TLK1: variants seen among roughly 807,000 people sequenced by gnomAD.
TLK1 encodes the protein serine/threonine-protein kinase tousled-like 1.
Under a neutral mutation model 105.3 loss-of-function variants are expected in TLK1, and 24 were observed. That is an observed-to-expected ratio of 0.23 (90% CI 0.17 to 0.32). The LOEUF is 0.32. TLK1 is among the 10% of genes least tolerant of loss of function. The pLI, the probability that TLK1 is intolerant of heterozygous loss-of-function variation, is 1.00. For missense variants in TLK1, 558 were observed against 910.5 expected (o/e 0.61, Z 4.98); for synonymous variants, 321 against 310.4 (o/e 1.03, Z -0.36).
intron 3 of TLK1, among the ~76,000 whole-genome samples, chr2:171,063,888 C>A (rs927697760): frequency 2.6e-5 from 4 of 152,172 alleles, no homozygotes; most frequent in Admixed American, 2.0e-4. Flanking sequence ...TTATTTGAGA[C>A]AACATTCGTT....
intron 3 of TLK1, among the ~76,000 whole-genome samples, chr2:171,081,351 A>G (rs1453133649): frequency 1.3e-5 from 2 of 152,200 alleles, no homozygotes; most frequent in African/African-American, 4.8e-5. Context: ...CAAAAATATC[A>G]TATTTAGTGA....
In TLK1 at chr2:170,997,808, C is replaced by T. The variant is rs765960787; in HGVS notation, c.1920G>A (p.Glu640=). 6 of 1,608,266 alleles carry T rather than the reference C, an allele frequency of 3.7e-6. No individual in the cohort carries two copies. Among genetic ancestry groups the T allele is most frequent in the Non-Finnish European group, 5.1e-6 (6 of 1,176,556 alleles). The part of the protein sequence containing the change: ...GAGTYWYLPP[E]CFVVGKEPPK... The stretch of plus-strand genomic sequence containing the variant: ...GTGGCTCTTTTCCAACTACAAAACA[C>T]TCAGGAGGTAAATACCTGTAAGTTT... Residue 640 remains glutamate, a synonymous_variant, in exon 19 of 21, where the codon GAG becomes GAA. Coordinates refer to ENST00000431350, the MANE Select transcript of TLK1 (RefSeq NM_012290.5).
At chr2:171,072,300 G>A (rs965175410) in intron 3 of TLK1, among the ~76,000 whole-genome samples, 56 of 152,236 alleles carry the variant, frequency 3.7e-4, no homozygotes, top group African/African-American at 1.3e-3. Context: ...TTTTATTGTA[G>A]AGATATTTTA....
intron 12 of TLK1, among the ~76,000 whole-genome samples, chr2:171,023,600 T>C (rs186818343): frequency 6.6e-6 from 1 of 152,198 alleles, no homozygotes; most frequent in Non-Finnish European, 1.5e-5. Flanking sequence ...ACCCACATGC[T>C]GTTCATATCA....
At chr2:171,163,729 T>A (rs1692556838), upstream of TLK1, among the ~76,000 whole-genome samples, 2 of 152,054 alleles carry the variant, frequency 1.3e-5, no homozygotes, top group Admixed American at 1.3e-4. Context: ...GTTATCCTTA[T>A]GCCAATTCAT....
chr2:171,168,295 C>A (rs1692647549), intron 1 of TLK1, among the ~76,000 whole-genome samples: 1 of 151,910 alleles, frequency 6.6e-6, no homozygotes, highest in Non-Finnish European at 1.5e-5. Context: ...ACATATATAA[C>A]CTCATATGAA....
intron 1 of TLK1, among the ~76,000 whole-genome samples, chr2:171,121,022 G>T (rs7591214): frequency 0.14 from 20,570 of 152,140 alleles, 2,379 homozygotes; most frequent in African/African-American, 0.32. Flanking sequence ...GATATGCTAA[G>T]TAAAATAAGC....
At position 170,992,760 on chromosome 2, in the gene TLK1, TTTAGCAGCAA is replaced by T. The variant is rs1683838435; in HGVS notation, c.*1010_*1019del. On this transcript the variant is annotated 3_prime_UTR_variant, in exon 21 of 21. Coordinates refer to ENST00000431350, the MANE Select transcript of TLK1 (RefSeq NM_012290.5). ...ATTTTTTAGCAAAGAAGCAACATCA[TTTAGCAGCAA>T]TTAGAGTGCCTTCAAGAAGACTTAA... 1 of 152,608 alleles carries T rather than the reference TTTAGCAGCAA, an allele frequency of 6.6e-6. No individual in the cohort carries two copies. The highest frequency in any genetic ancestry group is 1.5e-5 in the Non-Finnish European group (1 of 67,996). The allele number at this position is 152,608 out of a possible 1,614,324, so 9.5% of individuals were successfully genotyped here. A position where few individuals can be genotyped will look rare whatever the true frequency, so the allele number is the denominator to read the frequency against.
chr2:171,086,757 C>G (rs751236587), intron 2 of TLK1, among the ~76,000 whole-genome samples: 9 of 152,010 alleles, frequency 5.9e-5, no homozygotes, highest in Non-Finnish European at 1.2e-4. Flanking sequence ...GCACAAACAG[C>G]AGTTGAAACC....
intron 11 of TLK1, among the ~76,000 whole-genome samples, chr2:171,029,459 G>T (rs533984170): frequency 6.6e-6 from 1 of 151,966 alleles, no homozygotes; most frequent in South Asian, 2.1e-4. Flanking sequence ...GCAAAACCCC[G>T]TCTCAATCTC....
chr2:171,217,614 G>T (rs1395031990), intron 1 of TLK1, among the ~76,000 whole-genome samples: 1 of 152,220 alleles, frequency 6.6e-6, no homozygotes, highest in Non-Finnish European at 1.5e-5. Context: ...ACCACTGTCA[G>T]ATGGCAGAGA....
rs1302731730 is a variant in TLK1 at position 170,993,663 on chromosome 2, T to TTG, written c.*115_*116dup. Reference sequence around the variant, plus strand: ...TTCACAAACAGTTCTTAACCACGTCTTGTGTAAAAAAAAAAAAAAAAAAAA... The same window carrying TTG: ...TTCACAAACAGTTCTTAACCACGTCTTGTGTGTAAAAAAAAAAAAAAAAAAAA... On this transcript the variant is annotated 3_prime_UTR_variant, in exon 21 of 21. Transcript: ENST00000431350. 1 of 835,732 alleles carries TTG rather than the reference T, an allele frequency of 1.2e-6. No homozygotes were observed. The highest frequency in any genetic ancestry group is 1.6e-6 in the Non-Finnish European group (1 of 616,478). 51.8% of individuals were successfully genotyped at this position (835,732 alleles called of 1,614,324 possible).
chr2:171,040,819 C>T lies in TLK1; in HGVS notation c.1169+5355G>A, dbSNP rs1686639900. Among the ~76,000 whole-genome samples, 2 of 152,024 alleles carry T rather than the reference C, an allele frequency of 1.3e-5. 1 individual carries two copies. The highest frequency in any genetic ancestry group is 2.9e-5 in the Non-Finnish European group (2 of 67,998). On this transcript the variant is annotated intron_variant, in intron 11 of 20. Coordinates refer to ENST00000431350, the MANE Select transcript of TLK1 (RefSeq NM_012290.5). ...CTCAAACTCCTAGGCTCAAGTGATC[C>T]TCCCGTCTCAGCCTCCCAAAGTGCT...
chr2:171,142,917 C>T (rs1422117032), intron 1 of TLK1, among the ~76,000 whole-genome samples: 1 of 152,158 alleles, frequency 6.6e-6, no homozygotes, highest in Admixed American at 6.5e-5. Context: ...GGAGTCAAAT[C>T]AGAAATCAGG....
At position 171,167,339 on chromosome 2, in the gene TLK1, A is replaced by C. The variant is rs1369475286; in HGVS notation, c.-5-49482T>G. 2.6e-5 allele frequency among the ~76,000 whole-genome samples: 4 copies of C among 152,208 alleles called. No homozygotes were observed. In the East Asian group the frequency reaches 7.7e-4, roughly 29 times the overall value. On this transcript the variant is annotated intron_variant, in intron 1 of 20. Transcript: ENST00000521943. ...GCCTCCTCTGCCTGGACTCACCTCC[A>C]AATTTTTGTTTCCTTCTTTGTCCAA... is the stretch of plus-strand genomic sequence containing the variant.
chr2:171,087,958 T>A (rs1282246188), intron 2 of TLK1, among the ~76,000 whole-genome samples: 1 of 152,146 alleles, frequency 6.6e-6, no homozygotes, highest in Non-Finnish European at 1.5e-5. Flanking sequence ...ACTCCACAGG[T>A]ATGAGATGAT....
intron 11 of TLK1, among the ~76,000 whole-genome samples, chr2:171,033,707 G>C (rs1369076339): frequency 6.8e-6 from 1 of 147,642 alleles, no homozygotes; most frequent in African/African-American, 2.5e-5. Flanking sequence ...AAGTAATTGC[G>C]GTTTTTGCCA....
At position 171,117,832 on chromosome 2, in the gene TLK1, C is replaced by G. The variant is rs1414232272; in HGVS notation, c.165G>C (p.Leu55=). The G allele has an allele frequency of 6.2e-7, 1 of 1,613,286 alleles. No homozygotes were observed. Among genetic ancestry groups the G allele is most frequent in the South Asian group, 1.1e-5 (1 of 90,946 alleles). The change falls in exon 2 of 21, where the codon CTG becomes CTC. Residue 55 remains leucine (L), a synonymous_variant. Transcript: ENST00000431350. Reference sequence around the variant, plus strand: ...CCAATAACTCTTGCCTTCTTGGATCCAGACTATGAAGCTCATCCATTGCAC... The same window carrying G: ...CCAATAACTCTTGCCTTCTTGGATCGAGACTATGAAGCTCATCCATTGCAC... ...REGAMDELHS[L]DPRRQELLEA...
intron 1 of TLK1, among the ~76,000 whole-genome samples, chr2:171,175,920 T>G (rs923775256): frequency 9.7e-5 from 13 of 134,268 alleles, no homozygotes; most frequent in African/African-American, 8.3e-5. Context: ...GATATCAAGG[T>G]TTTTTTTTTG....
Sources: gnomAD v4.1 joint callset for allele counts (sites outside exome capture counted in the v4.1 genomes callset) on GRCh38, gnomAD v4.1.1 for gene constraint, MANE v1.5 for transcripts, NCBI Gene and HGNC (gene_info 2026-07-23, HGNC 2026-07-21) for gene names.